Variants in SAMTOR observed in about 807,000 individuals in gnomAD.
SAMTOR encodes the protein UPF0532 protein C7orf60.
the SAMTOR span, among the ~76,000 whole-genome samples, chr7:112,922,707 C>T: frequency 3.3e-5 from 5 of 151,068 alleles, no homozygotes; most frequent in African/African-American, 7.3e-5. Context: ...AAGTGAGGAG[C>T]CCCTCCGCCC....
the SAMTOR span, among the ~76,000 whole-genome samples, chr7:112,923,305 T>G: frequency 1.3e-5 from 2 of 151,620 alleles, no homozygotes; most frequent in African/African-American, 2.4e-5. Flanking sequence ...TCATCACCAC[T>G]CCCTAATCTC....
chr7:112,926,176 G>GT, the SAMTOR span, among the ~76,000 whole-genome samples: 1 of 152,182 alleles, frequency 6.6e-6, no homozygotes, highest in South Asian at 2.1e-4. Context: ...GTGGGTCTAT[G>GT]TAAGGGCTAG....
At chr7:112,886,897 C>T in the SAMTOR span, among the ~76,000 whole-genome samples, 3 of 152,274 alleles carry the variant, frequency 2.0e-5, no homozygotes, top group Non-Finnish European at 2.9e-5. Flanking sequence ...CCAGGCACAG[C>T]GGCTCACTCC....
the SAMTOR span, among the ~76,000 whole-genome samples, chr7:112,902,447 AAC>A: frequency 4.4e-3 from 573 of 129,322 alleles, 89 homozygotes; most frequent in South Asian, 7.3e-3. Flanking sequence ...AACAAAAAAA[AAC>A]AAAAAAAAAA....
the SAMTOR span, among the ~76,000 whole-genome samples, chr7:112,845,793 C>T: frequency 3.3e-5 from 5 of 152,130 alleles, no homozygotes; most frequent in East Asian, 5.8e-4. Flanking sequence ...TGTATGTTCA[C>T]TGCAGCACTA....
chr7:112,832,501 G>T, the SAMTOR span: 1 of 941,740 alleles, frequency 1.1e-6, no homozygotes, highest in Non-Finnish European at 1.7e-6. Flanking sequence ...CAAAGACAGT[G>T]CTTTTCTTTT....
the SAMTOR span, among the ~76,000 whole-genome samples, chr7:112,915,778 C>A: frequency 2.0e-5 from 3 of 152,164 alleles, no homozygotes; most frequent in Admixed American, 2.0e-4. Flanking sequence ...TATGAGTTAT[C>A]AGTTAATAAT....
chr7:112,863,586 A>T, the SAMTOR span, among the ~76,000 whole-genome samples: 2 of 152,226 alleles, frequency 1.3e-5, no homozygotes, highest in East Asian at 3.8e-4. Context: ...CAAATTTACA[A>T]GAAAAAAAAC....
chr7:112,866,153 T>A, the SAMTOR span, among the ~76,000 whole-genome samples: 1 of 152,166 alleles, frequency 6.6e-6, no homozygotes, highest in Admixed American at 6.5e-5. Flanking sequence ...ATTTAGGTAA[T>A]TGCTATATAA....
the SAMTOR span, among the ~76,000 whole-genome samples, chr7:112,865,188 G>A: frequency 6.6e-6 from 1 of 152,124 alleles, no homozygotes; most frequent in African/African-American, 2.4e-5. Flanking sequence ...AGTGGCTTAT[G>A]CCTTAAACCC....
chr7:112,916,679 C>T, the SAMTOR span, among the ~76,000 whole-genome samples: 1 of 152,276 alleles, frequency 6.6e-6, no homozygotes, highest in South Asian at 2.1e-4. Flanking sequence ...CAGGGAGTTC[C>T]CTTTCCTAGT....
At chr7:112,930,528 A>C in the SAMTOR span, among the ~76,000 whole-genome samples, 1 of 137,284 alleles carries the variant, frequency 7.3e-6, no homozygotes, top group African/African-American at 2.7e-5. Flanking sequence ...CAAAAGGGGC[A>C]AAAAAAAAAA....
chr7:112,860,369 C>A, the SAMTOR span, among the ~76,000 whole-genome samples: 1 of 152,150 alleles, frequency 6.6e-6, no homozygotes, highest in African/African-American at 2.4e-5. Context: ...CCCTAATACA[C>A]AACCCTACAC....
chr7:112,844,298 T>C, the SAMTOR span, among the ~76,000 whole-genome samples: 1 of 151,958 alleles, frequency 6.6e-6, no homozygotes, highest in African/African-American at 2.4e-5. Flanking sequence ...GAGAAAGAAA[T>C]AAAGGGCATC....
chr7:112,849,156 A>T, the SAMTOR span, among the ~76,000 whole-genome samples: 1 of 152,318 alleles, frequency 6.6e-6, no homozygotes, highest in East Asian at 1.9e-4. Flanking sequence ...AAAAAAGAAA[A>T]TATCTTAAAT....
chr7:112,837,710 T>A, the SAMTOR span, among the ~76,000 whole-genome samples: 24 of 152,130 alleles, frequency 1.6e-4, no homozygotes, highest in African/African-American at 5.5e-4. Flanking sequence ...AAATTCTGGC[T>A]ACTTGTGGTC....
chr7:112,923,927 G>A, the SAMTOR span, among the ~76,000 whole-genome samples: 1 of 151,928 alleles, frequency 6.6e-6, no homozygotes, highest in African/African-American at 2.4e-5. Flanking sequence ...ATCATTCTCA[G>A]TAAACTATCA....
At chr7:112,885,850 A>G in the SAMTOR span, among the ~76,000 whole-genome samples, 14 of 152,132 alleles carry the variant, frequency 9.2e-5, no homozygotes, top group African/African-American at 2.7e-4. Flanking sequence ...GCAACACCCC[A>G]CTTTCTGTGG....
the SAMTOR span, among the ~76,000 whole-genome samples, chr7:112,881,277 C>T: frequency 1.1e-4 from 16 of 152,222 alleles, no homozygotes; most frequent in Non-Finnish European, 2.1e-4. Flanking sequence ...TAGCCTGGTG[C>T]AGGCACCCCT....
Sources: gnomAD v4.1 joint callset for allele counts (sites outside exome capture counted in the v4.1 genomes callset) on GRCh38, gnomAD v4.1.1 for gene constraint, MANE v1.5 for transcripts, NCBI Gene and HGNC (gene_info 2026-07-23, HGNC 2026-07-21) for gene names.